ZDHHC15: variants seen among roughly 807,000 people sequenced by gnomAD.
The protein encoded by ZDHHC15 is zDHHC palmitoyltransferase 15, also known as palmitoyltransferase ZDHHC15.
ZDHHC15 carries 19 observed loss-of-function variants against 31.7 expected under a neutral mutation model. The observed-to-expected ratio is 0.60, with a 90% confidence interval of 0.42 to 0.88. The LOEUF (loss-of-function observed/expected upper bound fraction) is 0.88, where lower values mean the gene tolerates loss of function less well. ZDHHC15 is among the 40% of genes least tolerant of loss of function. The pLI is 0.00. For missense variants in ZDHHC15, 209 were observed against 251.2 expected (o/e 0.83, Z 1.14); for synonymous variants, 103 against 90.0 (o/e 1.14, Z -0.82).
chrX:75,374,803 G>T (rs2083041720), intron 11 of ZDHHC15, among the ~76,000 whole-genome samples: 1 of 109,939 alleles, frequency 9.1e-6, no homozygotes, highest in Non-Finnish European at 1.9e-5. Context: ...AGTGGAAGAA[G>T]CCAGACAAAA....
At position 75,429,137 on chromosome X, in the gene ZDHHC15, C is replaced by G. The variant is rs776406805; in HGVS notation, c.544G>C (p.Val182Leu). The change falls in exon 7 of 12, where the codon GTT becomes CTT. Residue 182 changes from valine to leucine, a missense_variant. Coordinates refer to ENST00000373367, the MANE Select transcript of ZDHHC15 (RefSeq NM_144969.3). ...GTAGCAATGTACAGGCAGTAGAGAACAGAGTAAGCTAAGAATTGAAGGAAG... is the reference window on the plus strand; with the variant it reads ...GTAGCAATGTACAGGCAGTAGAGAAGAGAGTAAGCTAAGAATTGAAGGAAG... ...KFFLQFLAYS[V>L]LYCLYIATTV... is the part of the protein sequence containing the mutation. 1 of 1,205,011 alleles carries G rather than the reference C, an allele frequency of 8.3e-7. No homozygotes were observed. The highest frequency in any genetic ancestry group is 1.8e-5 in the African/African-American group (1 of 56,651).
intron 4 of ZDHHC15, among the ~76,000 whole-genome samples, chrX:75,444,577 C>A (rs6647126): frequency 0.18 from 16,643 of 94,719 alleles, 1,912 homozygotes; most frequent in East Asian, 0.85. Flanking sequence ...TGTAGCAAAC[C>A]TGCACGTTAT....
At chrX:75,448,174 C>A (rs2084059433) in intron 4 of ZDHHC15, among the ~76,000 whole-genome samples, 1 of 112,285 alleles carries the variant, frequency 8.9e-6, no homozygotes, top group Non-Finnish European at 1.9e-5. Context: ...CTTAGTATTA[C>A]CATGCCCCGT....
At chrX:75,497,520 A>T (rs1336516547) in intron 2 of ZDHHC15, among the ~76,000 whole-genome samples, 1 of 111,361 alleles carries the variant, frequency 9.0e-6, no homozygotes, top group Non-Finnish European at 1.9e-5. Flanking sequence ...GAAAGGACAT[A>T]ACAAAAAAAG....
intron 4 of ZDHHC15, among the ~76,000 whole-genome samples, chrX:75,432,731 C>G (rs992091430): frequency 2.7e-5 from 3 of 111,228 alleles, no homozygotes; most frequent in African/African-American, 9.8e-5. Flanking sequence ...AATCCCAGCA[C>G]TTTGAGAGAC....
At chrX:75,445,344 G>T (rs751389147) in intron 4 of ZDHHC15, among the ~76,000 whole-genome samples, 92 of 111,677 alleles carry the variant, frequency 8.2e-4, no homozygotes, top group Non-Finnish European at 1.5e-3. Context: ...TCTGTGGCAT[G>T]ATCTGACAAT....
At chrX:75,463,990 G>A (rs981913539) in intron 3 of ZDHHC15, among the ~76,000 whole-genome samples, 1 of 111,776 alleles carries the variant, frequency 8.9e-6, no homozygotes, top group Admixed American at 9.5e-5. Context: ...GCACGCGTAT[G>A]TTTATTGCGG....
chrX:75,445,659 C>T (rs748866550), intron 4 of ZDHHC15, among the ~76,000 whole-genome samples: 2 of 111,358 alleles, frequency 1.8e-5, no homozygotes, highest in South Asian at 3.8e-4. Flanking sequence ...TGTAAATAGC[C>T]GAATTACAAT....
chrX:75,389,436 C>T (rs749644337), intron 10 of ZDHHC15, among the ~76,000 whole-genome samples: 9 of 108,913 alleles, frequency 8.3e-5, no homozygotes, highest in African/African-American at 3.0e-4. Context: ...CAGCTTGCAG[C>T]TCTAGGAGAG....
intron 2 of ZDHHC15, chrX:75,501,967 TC>T (rs957539431): frequency 8.9e-6 from 1 of 111,926 alleles, no homozygotes; most frequent in Admixed American, 9.6e-5. Context: ...TTTAATTAGA[TC>T]CCATTTGCCA....
At chrX:75,389,715 G>T (rs988113016) in intron 10 of ZDHHC15, among the ~76,000 whole-genome samples, 7 of 107,575 alleles carry the variant, frequency 6.5e-5, no homozygotes, top group Admixed American at 3.9e-4. Flanking sequence ...GTAGCCAGGC[G>T]GTACTTACCA....
intron 1 of ZDHHC15, among the ~76,000 whole-genome samples, chrX:75,510,056 G>T (rs373778312): frequency 8.9e-6 from 1 of 111,800 alleles, no homozygotes; most frequent in East Asian, 2.8e-4. Context: ...AGTGTTTTCT[G>T]TTGAAAGTTA....
At chrX:75,515,117 T>C (rs1569373460) in intron 1 of ZDHHC15, among the ~76,000 whole-genome samples, 2 of 110,969 alleles carry the variant, frequency 1.8e-5, no homozygotes, top group Non-Finnish European at 3.8e-5. Context: ...CAGGACCAGA[T>C]GGATTCATAC....
At chrX:75,439,622 C>T (rs923318070) in intron 4 of ZDHHC15, among the ~76,000 whole-genome samples, 1 of 111,737 alleles carries the variant, frequency 8.9e-6, no homozygotes, top group African/African-American at 3.2e-5. Flanking sequence ...TCTGATCCCT[C>T]CTTGAACAGC....
At chrX:75,418,875 A>G (rs1207994606) in intron 9 of ZDHHC15, among the ~76,000 whole-genome samples, 1 of 112,296 alleles carries the variant, frequency 8.9e-6, no homozygotes, top group Non-Finnish European at 1.9e-5. Context: ...CCTAGGCAAT[A>G]CCATTCAGGA....
chrX:75,440,313 T>C (rs1449232546), intron 4 of ZDHHC15, among the ~76,000 whole-genome samples: 1 of 110,655 alleles, frequency 9.0e-6, no homozygotes, highest in Non-Finnish European at 1.9e-5. Flanking sequence ...GGAGTCTTGC[T>C]CTGTTGCCCA....
chrX:75,500,074 A>G (rs976704372), intron 2 of ZDHHC15, among the ~76,000 whole-genome samples: 5 of 111,045 alleles, frequency 4.5e-5, no homozygotes, highest in Non-Finnish European at 9.4e-5. Flanking sequence ...AGTGGGAGCT[A>G]AGTTATGAGG....
intron 2 of ZDHHC15, among the ~76,000 whole-genome samples, chrX:75,492,095 A>C (rs899836138): frequency 9.0e-6 from 1 of 111,487 alleles, no homozygotes; most frequent in African/African-American, 3.3e-5. Context: ...GGATGGAGGA[A>C]GATCTACCAA....
At chrX:75,494,387 C>T (rs1326157861) in intron 2 of ZDHHC15, among the ~76,000 whole-genome samples, 2 of 111,039 alleles carry the variant, frequency 1.8e-5, no homozygotes, top group African/African-American at 3.3e-5. Flanking sequence ...CAATGCCATC[C>T]CCATCAAGCT....
Sources: allele counts gnomAD v4.1 joint callset (sites outside exome capture counted in the v4.1 genomes callset), GRCh38; gene constraint gnomAD v4.1.1; transcripts MANE v1.5; gene names NCBI Gene and HGNC (gene_info 2026-07-23, HGNC 2026-07-21).